Variants in STARD9 observed in about 807,000 individuals in gnomAD.
STARD9 encodes stAR-related lipid transfer protein 9.
Under a neutral mutation model 399.8 loss-of-function variants are expected in STARD9, and 346 were observed. The ratio of observed to expected loss-of-function variants is 0.87; its 90% CI spans 0.79 to 0.95. The LOEUF is 0.95. Among genes scored for constraint, STARD9 ranks in the 40% least tolerant of loss-of-function variants. STARD9 has a pLI of 0.00. For synonymous variants in STARD9, 2,203 were observed against 2,143.5 expected (o/e 1.03, Z -0.77); for missense variants, 5,832 against 5,667.5 (o/e 1.03, Z -0.93).
intron 9 of STARD9, 118 bp downstream of exon 9, chr15:42,652,710 C>A: frequency 1.1e-6 from 1 of 928,774 alleles, no homozygotes; most frequent in Non-Finnish European, 1.7e-6. Context: ...GGGTCTCAGT[C>A]TGTTGCCCAG....
chr15:42,576,369 T>C (rs1459808775), intron 1 of STARD9, among the ~76,000 whole-genome samples: 1 of 152,178 alleles, frequency 6.6e-6, no homozygotes, highest in Non-Finnish European at 1.5e-5. Flanking sequence ...TTATTTTGAT[T>C]CCGCACCTCT....
rs971971934 is a variant in STARD9 at position 42,686,361 on chromosome 15, G to A, written c.4783G>A (p.Glu1595Lys). The change falls in exon 23 of 33, where the codon GAA becomes AAA. Residue 1595 changes from glutamate to lysine, a missense_variant. Transcript: ENST00000290607. The part of the protein sequence containing the change: ...SYDETYSADL[E>K]SLSASRSTNA... ...TGACGAAACTTATTCGGCAGACTTAGAATCATTGTCTGCTTCTCGATCTAC... is the reference window on the plus strand; with the variant it reads ...TGACGAAACTTATTCGGCAGACTTAAAATCATTGTCTGCTTCTCGATCTAC... The A allele has an allele frequency of 3.1e-5, 47 of 1,537,372 alleles. No homozygotes were observed. The highest frequency in any genetic ancestry group is 3.8e-5 in the Non-Finnish European group (44 of 1,146,998).
intron 3 of STARD9, among the ~76,000 whole-genome samples, chr15:42,627,803 A>G (rs148870545): frequency 6.6e-4 from 100 of 152,288 alleles, no homozygotes; most frequent in African/African-American, 2.3e-3. Flanking sequence ...TTGTATATGT[A>G]CCACATTTTG....
At chr15:42,587,616 G>A (rs765683328) in intron 3 of STARD9, among the ~76,000 whole-genome samples, 5 of 152,090 alleles carry the variant, frequency 3.3e-5, no homozygotes, top group Non-Finnish European at 7.4e-5. Flanking sequence ...GCCCAGCCTG[G>A]AGTGCAATGG....
chr15:42,701,992 C>CAAAAA (rs57444195), intron 26 of STARD9, among the ~76,000 whole-genome samples: 2 of 44,998 alleles, frequency 4.4e-5, no homozygotes, highest in Admixed American at 2.8e-4. Flanking sequence ...GACTCTGACT[C>CAAAAA]AAAAAAAAAA....
At chr15:42,608,821 A>G (rs1238372588) in intron 3 of STARD9, among the ~76,000 whole-genome samples, 1 of 152,254 alleles carries the variant, frequency 6.6e-6, no homozygotes, top group Admixed American at 6.5e-5. Context: ...AAATTAATGC[A>G]GAAAGGATTG....
chr15:42,685,943 A>G lies in STARD9; in HGVS notation c.4365A>G (p.Glu1455=). The stretch of plus-strand genomic sequence containing the variant: ...ACATGACCCAGCAGGGCAGCTCTGA[A>G]GCATCCCACAATTCTAGCGTATCAA... The part of the protein sequence containing the change: ...IPDMTQQGSS[E]ASHNSSVSNV... The change falls in exon 23 of 33, where the codon GAA becomes GAG. Residue 1455 remains glutamate (E), a synonymous_variant. Coordinates refer to ENST00000290607, the MANE Select transcript of STARD9 (RefSeq NM_020759.3). 1 of 1,537,164 alleles carries G rather than the reference A, an allele frequency of 6.5e-7. No individual in the cohort carries two copies. Among genetic ancestry groups the G allele is most frequent in the Non-Finnish European group, 8.7e-7 (1 of 1,146,912 alleles).
At chr15:42,592,879 A>T (rs759894734) in intron 3 of STARD9, among the ~76,000 whole-genome samples, 1 of 152,170 alleles carries the variant, frequency 6.6e-6, no homozygotes, top group South Asian at 2.1e-4. Flanking sequence ...ATTAAAGTCA[A>T]TTTGCTTCTC....
chr15:42,620,686 CACTT>C (rs1595652586), intron 3 of STARD9, among the ~76,000 whole-genome samples: 2 of 152,076 alleles, frequency 1.3e-5, no homozygotes, highest in East Asian at 3.8e-4. Context: ...ATGATCTTAA[CACTT>C]ACGAAGATTA....
chr15:42,666,449 C>A (rs554690503), intron 15 of STARD9, among the ~76,000 whole-genome samples: 1 of 152,034 alleles, frequency 6.6e-6, no homozygotes, highest in Non-Finnish European at 1.5e-5. Context: ...ATAACATAAG[C>A]AAAGCCTTGA....
chr15:42,606,920 C>T (rs147157179), intron 3 of STARD9, among the ~76,000 whole-genome samples: 1 of 152,180 alleles, frequency 6.6e-6, no homozygotes, highest in African/African-American at 2.4e-5. Context: ...TTCACTCATT[C>T]TGACCCAGAG....
chr15:42,593,771 C>G (rs574510603), intron 3 of STARD9, among the ~76,000 whole-genome samples: 5 of 141,594 alleles, frequency 3.5e-5, no homozygotes, highest in Admixed American at 7.7e-5. Context: ...CCACGCCATT[C>G]TCCTGTCTCA....
chr15:42,631,480 C>T (rs938414632), intron 3 of STARD9, among the ~76,000 whole-genome samples: 4 of 151,456 alleles, frequency 2.6e-5, no homozygotes, highest in Non-Finnish European at 5.9e-5. Context: ...CTTGGGATAC[C>T]AGGGCATGAG....
intron 20 of STARD9, among the ~76,000 whole-genome samples, chr15:42,678,903 C>T (rs1448226495): frequency 2.0e-5 from 3 of 152,250 alleles, no homozygotes; most frequent in Non-Finnish European, 4.4e-5. Flanking sequence ...AGGGACCATT[C>T]TGTGCGGCCT....
In STARD9 at chr15:42,691,257, G is replaced by A. The variant is rs559711083; in HGVS notation, c.9679G>A (p.Ala3227Thr). The change falls in exon 23 of 33, where the codon GCC (alanine) becomes ACC (threonine). Residue 3227 changes from alanine to threonine, a missense_variant. By Grantham distance (58) the Ala-to-Thr change is moderately conservative (BLOSUM62 0). This residue lies in a region of STARD9 where 5,828 missense variants were observed against 5,651.1 expected (regional missense o/e 1.03). Coordinates refer to ENST00000290607, the MANE Select transcript of STARD9 (RefSeq NM_020759.3). ...DQASGGGEGF[A>T]QGVNPLPDED... ...GGCTTCAGGTGGTGGAGAAGGCTTC[G>A]CCCAGGGTGTGAATCCCCTTCCTGA... 84 of 1,537,190 alleles carry A rather than the reference G, an allele frequency of 5.5e-5. No homozygotes were observed. The South Asian group carries it at 8.0e-4, about 15-fold the overall frequency.
chr15:42,675,658 C>G lies in STARD9; in HGVS notation c.1688-6C>G, dbSNP rs535701058. 8.2e-5 allele frequency: 126 copies of G among 1,535,226 alleles called. No individual in the cohort carries two copies. In the African/African-American group the frequency reaches 1.5e-3, roughly 19 times the overall value. ...GATTGAATTCTCATTTGTCTCTGTG[C>G]TGCAGGAGCTGTCATAACCCTGGGG... On this transcript the variant is annotated splice_polypyrimidine_tract_variant and splice_region_variant and intron_variant, in intron 18 of 32. Coordinates refer to ENST00000290607, the MANE Select transcript of STARD9 (RefSeq NM_020759.3).
In STARD9 at chr15:42,693,054, G is replaced by A. The variant is rs985880648; in HGVS notation, c.11476G>A (p.Val3826Ile). Residue 3826 changes from valine (V) to isoleucine (I), a missense_variant, in exon 23 of 33, where the codon GTT (valine) becomes ATT (isoleucine). By Grantham distance (29) the Val-to-Ile change is conservative (BLOSUM62 3). Transcript: ENST00000290607. The stretch of plus-strand genomic sequence containing the variant: ...CCACTTGAGGTTTCAGAAAGCCCCC[G>A]TTGGGCAGCATCTTCCTTCTGTGAG... ...SSHLRFQKAP[V>I]GQHLPSVSPS... 25 of 1,536,984 alleles carry A rather than the reference G, an allele frequency of 1.6e-5. No homozygotes were observed. Among genetic ancestry groups the A allele is most frequent in the Admixed American group, 5.9e-5 (3 of 50,976 alleles).
At chr15:42,703,363 G>A (rs1046652521) in intron 26 of STARD9, among the ~76,000 whole-genome samples, 1 of 123,388 alleles carries the variant, frequency 8.1e-6, no homozygotes, top group Non-Finnish European at 1.5e-5. Flanking sequence ...TTTTTGTTTT[G>A]TTTGTTTTTT....
chr15:42,684,127 G>A lies in STARD9; in HGVS notation c.2549G>A (p.Ser850Asn). Residue 850 changes from serine to asparagine, a missense_variant, in exon 23 of 33, where the codon AGT becomes AAT. Ser to Asn is a conservative substitution (Grantham distance 46). Coordinates refer to ENST00000290607, the MANE Select transcript of STARD9 (RefSeq NM_020759.3). ...CCTTGTCTTCACAGCATTTTCCTAA[G>A]TTGGGATCCCTCTACCACATTGCCA... ...HMPQLHSIFL[S>N]WDPSTTLPPR... The A allele has an allele frequency of 6.5e-7, 1 of 1,527,370 alleles. No individual in the cohort carries two copies. The highest frequency in any genetic ancestry group is 8.8e-7 in the Non-Finnish European group (1 of 1,139,294). 94.6% of individuals were successfully genotyped at this position (1,527,370 alleles called of 1,614,324 possible). A position where few individuals can be genotyped will look rare whatever the true frequency, so the allele number is the denominator to read the frequency against.
Sources: allele counts gnomAD v4.1 joint callset (sites outside exome capture counted in the v4.1 genomes callset), GRCh38; gene constraint gnomAD v4.1.1; regional missense constraint gnomAD v4.1.1; transcripts MANE v1.5; gene names NCBI Gene and HGNC (gene_info 2026-07-23, HGNC 2026-07-21).